The following SUPT5H variants were observed in gnomAD, a reference collection of about 807,000 sequenced individuals.
SUPT5H encodes the protein SPT5 homolog, DSIF elongation factor subunit.
In SUPT5H, 24 loss-of-function variants were observed where a neutral mutation model predicts 142.5. The observed-to-expected ratio is 0.17, with a 90% CI of 0.12 to 0.24. SUPT5H has a LOEUF of 0.24. SUPT5H is among the 10% of genes least tolerant of loss of function. The pLI is 1.00. For missense variants in SUPT5H, 893 were observed against 1,471.8 expected (o/e 0.61, Z 6.43); for synonymous variants, 546 against 553.0 (o/e 0.99, Z 0.18).
Position 39,458,609 on chromosome 19 carries a change from C to T in SUPT5H, c.320-209C>T. 2.9e-6 allele frequency: 2 copies of T among 693,780 alleles called. No individual in the cohort carries two copies. Among genetic ancestry groups the T allele is most frequent in the East Asian group, 2.7e-5 (1 of 36,558 alleles). 43.0% of individuals were successfully genotyped at this position (693,780 alleles called of 1,614,324 possible). ...ATGGGAACAGCTGGAAGCCCCCCAA[C>T]TTGCTGGGCCCCATCCCCAGTCTTT... On this transcript the variant is annotated intron_variant, in intron 5 of 29. Transcript: ENST00000432763. The surrounding 1 kb of genome is among the most constrained non-coding windows in gnomAD (Gnocchi z 4.2).
intron 18 of SUPT5H, 108 bp from the exon 19 acceptor site, chr19:39,471,249 C>A: frequency 7.4e-7 from 1 of 1,355,372 alleles, no homozygotes; most frequent in Non-Finnish European, 1.0e-6. Context: ...CCTTGTGGAG[C>A]TTGGGACTGT....
Position 39,473,179 on chromosome 19 carries a change from C to G in SUPT5H, c.2259-24C>G, listed in dbSNP as rs756012831. On this transcript the variant is annotated intron_variant, in intron 23 of 29. Coordinates refer to ENST00000432763, the MANE Select transcript of SUPT5H (RefSeq NM_001111020.3). The surrounding 1 kb of genome is among the most constrained non-coding windows in gnomAD (Gnocchi z 5.8). The stretch of plus-strand genomic sequence containing the variant: ...TAGGCAGTGAGAGGGGTCTGCTCAC[C>G]CCATTTGTTCTCTGCGTCCCCAGGG... 3.7e-6 allele frequency: 6 copies of G among 1,611,102 alleles called. No homozygotes were observed. In the African/African-American group the frequency reaches 6.7e-5, roughly 18 times the overall value.
At chr19:39,452,063 G>A (rs1185076991) in intron 2 of SUPT5H, among the ~76,000 whole-genome samples, 1 of 152,134 alleles carries the variant, frequency 6.6e-6, no homozygotes, top group Non-Finnish European at 1.5e-5. Context: ...TCAGATATAT[G>A]GGGCTGGGGG....
Position 39,471,432 on chromosome 19 carries a change from G to A in SUPT5H, c.1753G>A (p.Val585Met), listed in dbSNP as rs145047239. 1.9e-6 allele frequency: 3 copies of A among 1,614,106 alleles called. No homozygotes were observed. The highest frequency in any genetic ancestry group is 2.5e-6 in the Non-Finnish European group (3 of 1,180,052). The change falls in exon 19 of 30, where the codon GTG becomes ATG. Residue 585 changes from valine to methionine, a missense_variant. Val to Met is a conservative substitution (Grantham distance 21, BLOSUM62 1). Transcript: ENST00000432763. Reference protein sequence around the residue: ...VTRKKDNRFAVALDSEQNNIH... With the variant: ...VTRKKDNRFAMALDSEQNNIH... ...CCGGAAGAAGGACAACCGCTTTGCT[G>A]TGGCCTTGGACTCAGAGCAGAACAA...
Position 39,458,560 on chromosome 19 carries a change from TC to T in SUPT5H, c.320-256del. The T allele has an allele frequency of 2.6e-6, 2 of 759,790 alleles. No individual in the cohort carries two copies. The highest frequency in any genetic ancestry group is 1.7e-5 in the African/African-American group (1 of 57,404). The allele number at this position is 759,790 out of a possible 1,614,324, so 47.1% of individuals were successfully genotyped here. ...TAGCGATGTGTGGGGTGGGGTGCAG[TC>T]CAGGGTGTGCCTGGACTTTGAGATG... On this transcript the variant is annotated intron_variant, in intron 5 of 29. Coordinates refer to ENST00000432763, the MANE Select transcript of SUPT5H (RefSeq NM_001111020.3). This position sits in a 1 kb window ranked among gnomAD's most constrained non-coding sequence, Gnocchi z 4.2.
rs373745985 is a variant in SUPT5H, at chr19:39,473,558, G to A, written c.2492+37G>A. On this transcript the variant is annotated intron_variant, in intron 25 of 29. Coordinates refer to ENST00000432763, the MANE Select transcript of SUPT5H (RefSeq NM_001111020.3). The surrounding 1 kb of genome is among the most constrained non-coding windows in gnomAD (Gnocchi z 5.8). ...GTTCCCCAGGTTCTGGTGTGTGCTGGTGTGTGTGAGGGATGATGCTGGGTG... is the reference window on the plus strand; with the variant it reads ...GTTCCCCAGGTTCTGGTGTGTGCTGATGTGTGTGAGGGATGATGCTGGGTG... 1.9e-6 allele frequency: 3 copies of A among 1,590,248 alleles called. No homozygotes were observed. Among genetic ancestry groups the A allele is most frequent in the Non-Finnish European group, 2.6e-6 (3 of 1,171,422 alleles).
chr19:39,471,759 G>T (rs1342617006), intron 20 of SUPT5H, 29 bp downstream of exon 20: 2 of 1,603,264 alleles, frequency 1.2e-6, no homozygotes, highest in Non-Finnish European at 1.7e-6. Context: ...GACCCTGTGC[G>T]TTGGGTACCT....
intron 2 of SUPT5H, among the ~76,000 whole-genome samples, chr19:39,447,451 T>TG: frequency 4.0e-5 from 1 of 24,786 alleles, no homozygotes; most frequent in African/African-American, 3.8e-4. Flanking sequence ...TGCCATTATC[T>TG]TTTTTTTTTT....
rs113552456 is a variant in SUPT5H, at chr19:39,456,708, G to A, written c.242-967G>A. ...GCTGGGATTACAGGCATGAGCCACCGTGCCCAACCCTAACTAATTTTTTAA... is the reference window on the plus strand; with the variant it reads ...GCTGGGATTACAGGCATGAGCCACCATGCCCAACCCTAACTAATTTTTTAA... On this transcript the variant is annotated intron_variant, in intron 3 of 29. Coordinates refer to ENST00000432763, the MANE Select transcript of SUPT5H (RefSeq NM_001111020.3). Among the ~76,000 whole-genome samples the A allele has an allele frequency of 2.0e-3, 300 of 151,972 alleles. 1 individual carries two copies. The highest frequency in any genetic ancestry group is 6.7e-3 in the African/African-American group (277 of 41,442).
chr19:39,452,146 G>A (rs1255043059), intron 2 of SUPT5H, among the ~76,000 whole-genome samples: 1 of 152,148 alleles, frequency 6.6e-6, no homozygotes, highest in African/African-American at 2.4e-5. Context: ...GTAATTGGAG[G>A]AGGCCATCAC....
chr19:39,458,015 G>C lies in SUPT5H; in HGVS notation c.307+275G>C, dbSNP rs369484520. On this transcript the variant is annotated intron_variant, in intron 4 of 29. Coordinates refer to ENST00000432763, the MANE Select transcript of SUPT5H (RefSeq NM_001111020.3). The surrounding 1 kb of genome is among the most constrained non-coding windows in gnomAD (Gnocchi z 4.2). Reference sequence around the variant, plus strand: ...CCTTCTGGGGTTGTAGGGTGGGCGAGCTCTGTCCCAAGATACCCCCCACTT... The same window carrying C: ...CCTTCTGGGGTTGTAGGGTGGGCGACCTCTGTCCCAAGATACCCCCCACTT... 6.8e-6 allele frequency: 5 copies of C among 739,004 alleles called. No homozygotes were observed. In the East Asian group the frequency reaches 1.1e-4, roughly 16 times the overall value. The allele number at this position is 739,004 out of a possible 1,614,324, so 45.8% of individuals were successfully genotyped here. A position where few individuals can be genotyped will look rare whatever the true frequency, so the allele number is the denominator to read the frequency against.
intron 3 of SUPT5H, 86 bp from the exon 4 acceptor site, chr19:39,457,589 G>C (rs774809229): frequency 1.5e-5 from 23 of 1,563,338 alleles, no homozygotes; most frequent in Admixed American, 3.5e-5. Flanking sequence ...GATTTGTAGT[G>C]CACATCTCCC....
intron 2 of SUPT5H, among the ~76,000 whole-genome samples, chr19:39,451,817 C>T (rs1290102045): frequency 6.6e-6 from 1 of 152,176 alleles, no homozygotes; most frequent in Non-Finnish European, 1.5e-5. Flanking sequence ...CAGGCATGAG[C>T]CACTGCACCT....
chr19:39,459,689 C>T (rs1409949874), intron 9 of SUPT5H, 100 bp downstream of exon 9: 5 of 1,489,758 alleles, frequency 3.4e-6, no homozygotes, highest in South Asian at 2.3e-5. Context: ...CGTGGCCTGC[C>T]AGTCACTTGG....
At chr19:39,446,530 G>A (rs563796685) in intron 2 of SUPT5H, among the ~76,000 whole-genome samples, 1 of 152,298 alleles carries the variant, frequency 6.6e-6, no homozygotes, top group Non-Finnish European at 1.5e-5. Context: ...GGAGTGAGTC[G>A]TGGTTAGCTG....
At chr19:39,450,339 A>G (rs2146073794) in intron 2 of SUPT5H, among the ~76,000 whole-genome samples, 1 of 152,028 alleles carries the variant, frequency 6.6e-6, no homozygotes, top group African/African-American at 2.4e-5. Flanking sequence ...GTAGTGGCAC[A>G]ATCGCGGCTC....
At position 39,472,345 on chromosome 19, in the gene SUPT5H, A is replaced by C; in HGVS notation, c.1951-64A>C. On this transcript the variant is annotated intron_variant, in intron 20 of 29. Coordinates refer to ENST00000432763, the MANE Select transcript of SUPT5H (RefSeq NM_001111020.3). The surrounding 1 kb of genome is among the most constrained non-coding windows in gnomAD (Gnocchi z 4.2). ...TCAGGGCCCTGCACGTGGGATGATG[A>C]GTTCCTGTGGTTTGTGGTTCCCCCA... is the stretch of plus-strand genomic sequence containing the variant. 1 of 1,515,784 alleles carries C rather than the reference A, an allele frequency of 6.6e-7. No individual in the cohort carries two copies. Among genetic ancestry groups the C allele is most frequent in the Admixed American group, 1.7e-5 (1 of 59,384 alleles). The allele number at this position is 1,515,784 out of a possible 1,614,324, so 93.9% of individuals were successfully genotyped here.
intron 2 of SUPT5H, among the ~76,000 whole-genome samples, chr19:39,452,126 G>T (rs1302333759): frequency 6.6e-6 from 1 of 152,134 alleles, no homozygotes; most frequent in Non-Finnish European, 1.5e-5. Flanking sequence ...TGAGGATTTG[G>T]TGCCTGTCGG....
Position 39,458,756 on chromosome 19 carries a change from T to C in SUPT5H, c.320-62T>C. 6.7e-7 allele frequency: 1 copy of C among 1,500,990 alleles called. No homozygotes were observed. The highest frequency in any genetic ancestry group is 9.1e-7 in the Non-Finnish European group (1 of 1,104,880). 93.0% of individuals were successfully genotyped at this position (1,500,990 alleles called of 1,614,324 possible). A position where few individuals can be genotyped will look rare whatever the true frequency, so the allele number is the denominator to read the frequency against. Reference sequence around the variant, plus strand: ...TGGCCCTCTTAGCTGCACGCTCCTATTTTCTCCAGGCCCCTGCCCTCCACC... The same window carrying C: ...TGGCCCTCTTAGCTGCACGCTCCTACTTTCTCCAGGCCCCTGCCCTCCACC... On this transcript the variant is annotated intron_variant, in intron 5 of 29. Coordinates refer to ENST00000432763, the MANE Select transcript of SUPT5H (RefSeq NM_001111020.3). This position sits in a 1 kb window ranked among gnomAD's most constrained non-coding sequence, Gnocchi z 4.2.
Sources: allele counts gnomAD v4.1 joint callset (sites outside exome capture counted in the v4.1 genomes callset), GRCh38; gene constraint gnomAD v4.1.1; non-coding constraint Gnocchi (gnomAD v3.1); transcripts MANE v1.5; gene names NCBI Gene and HGNC (gene_info 2026-07-23, HGNC 2026-07-21).